Variants in PIEZO2 observed in about 807,000 individuals in gnomAD.
PIEZO2 encodes piezo-type mechanosensitive ion channel component 2.
A neutral mutation model predicts 337.3 loss-of-function variants in PIEZO2; 172 were observed. The observed-to-expected ratio is 0.51, with a 90% CI of 0.45 to 0.58. PIEZO2 has a LOEUF of 0.58. PIEZO2 is among the 20% of genes least tolerant of loss of function. The pLI is 0.00. For missense variants in PIEZO2, 3,028 were observed against 3,391.3 expected, an observed-to-expected ratio of 0.89 and a Z score of 2.66; for synonymous variants, 1,251 against 1,228.5, an observed-to-expected ratio of 1.02 and a Z score of -0.38.
chr18:10,956,152 G>A (rs2033511149), intron 3 of PIEZO2, among the ~76,000 whole-genome samples: 1 of 152,074 alleles, frequency 6.6e-6, no homozygotes, highest in East Asian at 1.9e-4. Flanking sequence ...TTTAATCCAT[G>A]ATTTTCAAAA....
chr18:10,889,858 T>C lies in PIEZO2; in HGVS notation c.330-18443A>G, dbSNP rs149701640. Among the ~76,000 whole-genome samples, 28 of 152,318 alleles carry C rather than the reference T, an allele frequency of 1.8e-4. No homozygotes were observed. In the East Asian group the frequency reaches 4.4e-3, roughly 24 times the overall value. ...CCACCCCGTGGATGTGTTAGCCACA[T>C]AGAAGAAAGAGCTCCCAAGGACCTT... On this transcript the variant is annotated intron_variant, in intron 4 of 55. Transcript: ENST00000674853.
At chr18:10,998,150 A>T (rs751938795) in intron 2 of PIEZO2, among the ~76,000 whole-genome samples, 25 of 152,278 alleles carry the variant, frequency 1.6e-4, no homozygotes, top group Non-Finnish European at 3.4e-4. Context: ...TTAGAATTTT[A>T]TACCCTGTGA....
intron 36 of PIEZO2, chr18:10,725,532 G>A: frequency 7.2e-7 from 1 of 1,397,788 alleles, no homozygotes; most frequent in Non-Finnish European, 9.7e-7. Flanking sequence ...GTGGGAAGGA[G>A]GGGCCCCACT....
chr18:11,134,297 A>G (rs2040421477), intron 1 of PIEZO2, among the ~76,000 whole-genome samples: 1 of 152,186 alleles, frequency 6.6e-6, no homozygotes, highest in Non-Finnish European at 1.5e-5. Flanking sequence ...ATTTTCTGGC[A>G]TTCTACAGCT....
intron 7 of PIEZO2, among the ~76,000 whole-genome samples, chr18:10,848,869 C>T (rs183074651): frequency 6.6e-6 from 1 of 152,314 alleles, no homozygotes; most frequent in African/African-American, 2.4e-5. Context: ...AAATCATAGG[C>T]ATCCATTTCA....
intron 2 of PIEZO2, among the ~76,000 whole-genome samples, chr18:11,065,486 C>T (rs555046315): frequency 4.6e-5 from 7 of 152,306 alleles, no homozygotes; most frequent in Admixed American, 2.6e-4. Flanking sequence ...AGCATGTTTC[C>T]TAATTAGAGC....
chr18:10,793,051 C>T (rs1004737614), intron 13 of PIEZO2, among the ~76,000 whole-genome samples: 3 of 152,064 alleles, frequency 2.0e-5, no homozygotes, highest in Admixed American at 6.5e-5. Context: ...ATCAGGAGAT[C>T]GAGACCATCC....
intron 11 of PIEZO2, among the ~76,000 whole-genome samples, chr18:10,799,927 C>T (rs184085234): frequency 2.0e-5 from 3 of 148,258 alleles, no homozygotes; most frequent in Non-Finnish European, 3.0e-5. Flanking sequence ...GAGCTGAGAT[C>T]GTGCCATTGC....
At chr18:10,845,005 G>C (rs2041311062) in intron 7 of PIEZO2, among the ~76,000 whole-genome samples, 1 of 151,966 alleles carries the variant, frequency 6.6e-6, no homozygotes, top group Admixed American at 6.6e-5. Context: ...ATATTTACAT[G>C]TTATTATAGT....
At chr18:11,049,982 C>T (rs1313812286) in intron 2 of PIEZO2, among the ~76,000 whole-genome samples, 3 of 152,106 alleles carry the variant, frequency 2.0e-5, no homozygotes, top group Non-Finnish European at 4.4e-5. Flanking sequence ...TTTCTTTAGT[C>T]GTATAATATG....
rs904593858 is a variant in PIEZO2, at chr18:10,716,549, G to A, written c.5090-733C>T. Reference sequence around the variant, plus strand: ...GAAAAGAGCGGGTATCTTTTGCTGAGCAAGGAGGCACAGGAAGAGAACGGC... The same window carrying A: ...GAAAAGAGCGGGTATCTTTTGCTGAACAAGGAGGCACAGGAAGAGAACGGC... On this transcript the variant is annotated intron_variant, in intron 37 of 55. Transcript: ENST00000674853. The surrounding 1 kb of genome is among the most constrained non-coding windows in gnomAD (Gnocchi z 4.1). 7.2e-5 allele frequency among the ~76,000 whole-genome samples: 11 copies of A among 152,312 alleles called. No homozygotes were observed. Among genetic ancestry groups the A allele is most frequent in the Non-Finnish European group, 1.6e-4 (11 of 68,030 alleles).
chr18:10,914,467 C>T lies in PIEZO2; in HGVS notation c.287-3239G>A, dbSNP rs1247439246. 2.0e-5 allele frequency among the ~76,000 whole-genome samples: 3 copies of T among 152,230 alleles called. No homozygotes were observed. In the East Asian group the frequency reaches 5.8e-4, roughly 29 times the overall value. On this transcript the variant is annotated intron_variant, in intron 3 of 55. Coordinates refer to ENST00000674853, the MANE Select transcript of PIEZO2 (RefSeq NM_001378183.1). ...TTGTATATAACCTTGCAGCCCCCTG[C>T]ATACTTCAAATCATCTGTAGATTAA...
At position 10,855,298 on chromosome 18, in the gene PIEZO2, C is replaced by T; in HGVS notation, c.917+55G>A. ...TAAATTCACAATGCCAAACCAAGGT[C>T]CCAAAGGCGTGGGGGGACAACCTCT... On this transcript the variant is annotated intron_variant, in intron 7 of 55. Transcript: ENST00000674853. This position sits in a 1 kb window ranked among gnomAD's most constrained non-coding sequence, Gnocchi z 4.9. 3 of 1,432,368 alleles carry T rather than the reference C, an allele frequency of 2.1e-6. No individual in the cohort carries two copies. Among genetic ancestry groups the T allele is most frequent in the Non-Finnish European group, 2.8e-6 (3 of 1,053,882 alleles). 88.7% of individuals were successfully genotyped at this position (1,432,368 alleles called of 1,614,324 possible). A position where few individuals can be genotyped will look rare whatever the true frequency, so the allele number is the denominator to read the frequency against.
intron 3 of PIEZO2, among the ~76,000 whole-genome samples, chr18:10,971,955 A>G (rs983249581): frequency 6.6e-6 from 1 of 152,114 alleles, no homozygotes; most frequent in Non-Finnish European, 1.5e-5. Context: ...TACCAGTAAT[A>G]CGATAGTGAA....
At chr18:10,924,087 C>T (rs1269228165) in intron 3 of PIEZO2, among the ~76,000 whole-genome samples, 1 of 152,220 alleles carries the variant, frequency 6.6e-6, no homozygotes, top group Non-Finnish European at 1.5e-5. Context: ...GCTCAGAAGA[C>T]ACTTATTGTC....
rs982346118 is a variant in PIEZO2, at chr18:11,104,564, C to T, written c.65-38342G>A. On this transcript the variant is annotated intron_variant, in intron 1 of 55. Transcript: ENST00000674853. The surrounding 1 kb of genome is among the most constrained non-coding windows in gnomAD (Gnocchi z 4.6). ...TCTGAAGTCTGAAGTCCTGCCCAAGCAGACTGGCTAGAAGGGCTGCCACAT... is the reference window on the plus strand; with the variant it reads ...TCTGAAGTCTGAAGTCCTGCCCAAGTAGACTGGCTAGAAGGGCTGCCACAT... 1.3e-5 allele frequency among the ~76,000 whole-genome samples: 2 copies of T among 152,172 alleles called. No individual in the cohort carries two copies. The highest frequency in any genetic ancestry group is 4.8e-5 in the African/African-American group (2 of 41,438).
chr18:10,907,099 A>G (rs774061019), intron 4 of PIEZO2, among the ~76,000 whole-genome samples: 1 of 152,218 alleles, frequency 6.6e-6, no homozygotes, highest in Non-Finnish European at 1.5e-5. Context: ...TGAAGAATTT[A>G]GAAGCCCATA....
At chr18:10,897,274 C>T (rs572527468) in intron 4 of PIEZO2, among the ~76,000 whole-genome samples, 60 of 152,184 alleles carry the variant, frequency 3.9e-4, no homozygotes, top group African/African-American at 1.3e-3. Context: ...GCAACCCCCA[C>T]GTCCCAGGCT....
intron 48 of PIEZO2, among the ~76,000 whole-genome samples, chr18:10,690,587 A>C (rs2034771758): frequency 6.6e-6 from 1 of 152,208 alleles, no homozygotes; most frequent in Admixed American, 6.5e-5. Context: ...GCTTCACAGC[A>C]TCTGAAGGCA....
Sources: gnomAD v4.1 joint callset for allele counts (sites outside exome capture counted in the v4.1 genomes callset) on GRCh38, gnomAD v4.1.1 for gene constraint, Gnocchi (gnomAD v3.1) non-coding constraint, MANE v1.5 for transcripts, NCBI Gene and HGNC (gene_info 2026-07-23, HGNC 2026-07-21) for gene names.